Variants in SPATA13 observed in about 807,000 individuals in gnomAD.
SPATA13 encodes the protein spermatogenesis-associated protein 13.
SPATA13 carries 50 observed loss-of-function variants against 104.0 expected under a neutral mutation model. That is an observed-to-expected ratio of 0.48 (90% CI 0.38 to 0.61). SPATA13 has a LOEUF of 0.61. Among genes scored for constraint, SPATA13 ranks in the 20% least tolerant of loss-of-function variants. SPATA13 has a pLI of 0.00. For synonymous variants in SPATA13, 606 were observed against 667.5 expected, an observed-to-expected ratio of 0.91 and a Z score of 1.42; for missense variants, 1,524 against 1,690.6, an observed-to-expected ratio of 0.90 and a Z score of 1.73.
rs148111216 is a variant in SPATA13 at position 24,136,256 on chromosome 13, C to A, written c.-111-86563C>A. Among the ~76,000 whole-genome samples, 199 of 152,234 alleles carry A rather than the reference C, an allele frequency of 1.3e-3. 1 individual carries two copies. Among genetic ancestry groups the A allele is most frequent in the African/African-American group, 4.7e-3 (195 of 41,550 alleles). ...GGAGGCCGAGGTGAGGTGGGTGGAT[C>A]ACCTGAGGTCGGGAGTTTGAGACCA... On this transcript the variant is annotated intron_variant, in intron 3 of 14. Transcript: ENST00000424834.
chr13:24,282,723 A>G (rs568979880), intron 4 of SPATA13, among the ~76,000 whole-genome samples: 2 of 152,310 alleles, frequency 1.3e-5, no homozygotes, highest in South Asian at 2.1e-4. Context: ...GCGGGACACC[A>G]TCACCACAGT....
intron 3 of SPATA13, among the ~76,000 whole-genome samples, chr13:24,087,865 A>T (rs189923684): frequency 6.6e-6 from 1 of 152,274 alleles, no homozygotes; most frequent in African/African-American, 2.4e-5. Context: ...AGGACCCAAG[A>T]GGGCTGGTGA....
At chr13:24,296,170 C>T (rs928874077) in intron 10 of SPATA13, among the ~76,000 whole-genome samples, 2 of 152,206 alleles carry the variant, frequency 1.3e-5, no homozygotes, top group African/African-American at 4.8e-5. Context: ...ACATACATTT[C>T]AAGGGCCTTA....
intron 2 of SPATA13, among the ~76,000 whole-genome samples, chr13:24,236,595 CAAAAAAA>C (rs60473362): frequency 1.7e-5 from 2 of 118,190 alleles, no homozygotes. Flanking sequence ...GACTCCATCT[CAAAAAAA>C]AAAAAAAAAA....
At chr13:24,135,187 C>G (rs892633817) in intron 3 of SPATA13, among the ~76,000 whole-genome samples, 1 of 150,536 alleles carries the variant, frequency 6.6e-6, no homozygotes, top group Non-Finnish European at 1.5e-5. Context: ...TTTGTTAAGG[C>G]AACCCTAACA....
At chr13:24,239,046 G>A (rs1166377599) in intron 2 of SPATA13, among the ~76,000 whole-genome samples, 1 of 152,236 alleles carries the variant, frequency 6.6e-6, no homozygotes, top group Non-Finnish European at 1.5e-5. Context: ...ACCTTTAGGA[G>A]TTTAAAGCAG....
intron 3 of SPATA13, among the ~76,000 whole-genome samples, chr13:24,099,985 G>C (rs1880204274): frequency 6.6e-6 from 1 of 152,142 alleles, no homozygotes; most frequent in Non-Finnish European, 1.5e-5. Context: ...ACTGGCCCAG[G>C]GTCCACGGAG....
intron 3 of SPATA13, chr13:24,034,509 CTA>C (rs74694668): frequency 0.13 from 19,775 of 151,964 alleles, 1,788 homozygotes; most frequent in East Asian, 0.51. Flanking sequence ...TTCCCAAATT[CTA>C]TATATATATA....
chr13:24,035,382 G>A (rs1161596101), intron 3 of SPATA13, among the ~76,000 whole-genome samples: 1 of 152,160 alleles, frequency 6.6e-6, no homozygotes, highest in Admixed American at 6.5e-5. Flanking sequence ...TTGAACTTCT[G>A]GGGTTAAGTG....
At chr13:24,270,940 A>C (rs752089563) in intron 4 of SPATA13, 207 of 1,533,448 alleles carry the variant, frequency 1.3e-4, no homozygotes, top group Non-Finnish European at 1.7e-4. Flanking sequence ...GGATTGTTGT[A>C]CTGTGACATG....
chr13:24,087,681 T>A (rs1879777914), intron 3 of SPATA13, among the ~76,000 whole-genome samples: 1 of 152,182 alleles, frequency 6.6e-6, no homozygotes, highest in Admixed American at 6.5e-5. Flanking sequence ...TCATCCCCTC[T>A]CTACACACAC....
At chr13:24,025,389 A>G (rs1390074085) in intron 3 of SPATA13, among the ~76,000 whole-genome samples, 1 of 152,296 alleles carries the variant, frequency 6.6e-6, no homozygotes, top group South Asian at 2.1e-4. Flanking sequence ...CTATGGATGG[A>G]CATTAATTTC....
intron 10 of SPATA13, among the ~76,000 whole-genome samples, chr13:24,296,518 G>A (rs148629820): frequency 1.6e-3 from 248 of 152,268 alleles, no homozygotes; most frequent in Middle Eastern, 3.4e-3. Flanking sequence ...ACAATTTATC[G>A]TCTGGCCTTT....
chr13:24,103,861 A>T (rs1243375146), intron 3 of SPATA13, among the ~76,000 whole-genome samples: 1 of 152,118 alleles, frequency 6.6e-6, no homozygotes, highest in African/African-American at 2.4e-5. Flanking sequence ...TGGTGTCCAG[A>T]GCTGCCGTGC....
intron 4 of SPATA13, among the ~76,000 whole-genome samples, chr13:24,281,567 C>T (rs970623295): frequency 1.9e-4 from 29 of 152,136 alleles, no homozygotes; most frequent in Admixed American, 8.5e-4. Flanking sequence ...CTGTCATGGA[C>T]GTAAGCAGCT....
chr13:24,050,893 T>G (rs569318315), intron 3 of SPATA13, among the ~76,000 whole-genome samples: 1 of 152,334 alleles, frequency 6.6e-6, no homozygotes, highest in African/African-American at 2.4e-5. Flanking sequence ...GCAGCTTTAC[T>G]GTCCTGGGAG....
intron 2 of SPATA13, among the ~76,000 whole-genome samples, chr13:24,239,468 G>A (rs1872724892): frequency 1.3e-5 from 2 of 152,062 alleles, no homozygotes. Context: ...GCTGAGGCGG[G>A]TGGATCCCTT....
At chr13:24,235,186 G>A (rs757966740) in intron 2 of SPATA13, among the ~76,000 whole-genome samples, 3 of 152,192 alleles carry the variant, frequency 2.0e-5, no homozygotes, top group East Asian at 1.9e-4. Context: ...CAAAGACCTC[G>A]CCCTGAGTTA....
At chr13:24,218,113 A>G (rs1871359097) in intron 1 of SPATA13, among the ~76,000 whole-genome samples, 1 of 152,206 alleles carries the variant, frequency 6.6e-6, no homozygotes. Context: ...CATCTCCTCA[A>G]AGTCCACAGG....
Sources: gnomAD v4.1 joint callset for allele counts (sites outside exome capture counted in the v4.1 genomes callset) on GRCh38, gnomAD v4.1.1 for gene constraint, MANE v1.5 for transcripts, NCBI Gene and HGNC (gene_info 2026-07-23, HGNC 2026-07-21) for gene names.